Variants in TAS2R1 observed in about 807,000 individuals in gnomAD.
TAS2R1 encodes taste receptor type 2 member 1.
For missense variants in TAS2R1, 370 were observed against 353.4 expected (o/e 1.05, Z -0.38); for synonymous variants, 141 against 134.2 (o/e 1.05, Z -0.35).
the TAS2R1 span, among the ~76,000 whole-genome samples, chr5:9,840,474 C>T: frequency 0.011 from 1,675 of 152,260 alleles, 21 homozygotes; most frequent in Non-Finnish European, 0.018. Flanking sequence ...AGGGCATGCA[C>T]TCTTCTTGAC....
At chr5:9,833,976 C>T in the TAS2R1 span, among the ~76,000 whole-genome samples, 1 of 152,202 alleles carries the variant, frequency 6.6e-6, no homozygotes, top group African/African-American at 2.4e-5. Flanking sequence ...GAACAGCTGA[C>T]ATTGTAAGCA....
chr5:9,633,266 A>AGTGTGT (rs141170591), upstream of TAS2R1, among the ~76,000 whole-genome samples: 5 of 121,872 alleles, frequency 4.1e-5, no homozygotes, highest in African/African-American at 1.1e-4. Context: ...AGTATTCCAT[A>AGTGTGT]GTGTGTGTGT....
chr5:9,866,449 G>A, the TAS2R1 span, among the ~76,000 whole-genome samples: 1 of 152,134 alleles, frequency 6.6e-6, no homozygotes, highest in Non-Finnish European at 1.5e-5. Context: ...ATTGTCAAAT[G>A]TTGTATAAAA....
chr5:9,683,204 A>G (rs969281849), intron 1 of TAS2R1, among the ~76,000 whole-genome samples: 3 of 152,044 alleles, frequency 2.0e-5, no homozygotes, highest in Non-Finnish European at 4.4e-5. Context: ...AATATTATGT[A>G]TTATAATTGC....
At chr5:9,675,223 A>C (rs1561375739) in intron 1 of TAS2R1, among the ~76,000 whole-genome samples, 1 of 150,968 alleles carries the variant, frequency 6.6e-6, no homozygotes, top group Non-Finnish European at 1.5e-5. Flanking sequence ...AGATTGGAAG[A>C]ATCAATGTTA....
the TAS2R1 span, among the ~76,000 whole-genome samples, chr5:9,792,905 C>T: frequency 2.0e-5 from 3 of 152,114 alleles, no homozygotes; most frequent in South Asian, 2.1e-4. Flanking sequence ...TATCCCAAAT[C>T]CAAGCATATT....
At chr5:9,716,553 A>G (rs1433871550), upstream of TAS2R1, among the ~76,000 whole-genome samples, 2 of 151,878 alleles carry the variant, frequency 1.3e-5, no homozygotes, top group Non-Finnish European at 2.9e-5. Context: ...TATTATATAT[A>G]TATATATATA....
upstream of TAS2R1, among the ~76,000 whole-genome samples, chr5:9,631,160 ATAAAG>A (rs1174474483): frequency 6.6e-6 from 1 of 152,242 alleles, no homozygotes; most frequent in Non-Finnish European, 1.5e-5. Flanking sequence ...ACAAAGGTAG[ATAAAG>A]TATAGTTTGT....
chr5:9,663,113 A>G (rs1740569735), intron 1 of TAS2R1, among the ~76,000 whole-genome samples: 1 of 152,196 alleles, frequency 6.6e-6, no homozygotes, highest in Non-Finnish European at 1.5e-5. Context: ...TATACTATAA[A>G]GCATTATTAT....
chr5:9,692,157 G>C (rs1011132452), intron 1 of TAS2R1, among the ~76,000 whole-genome samples: 2 of 152,126 alleles, frequency 1.3e-5, no homozygotes, highest in South Asian at 2.1e-4. Flanking sequence ...CCCTTGGTTC[G>C]TGTGAAAGGA....
At chr5:9,834,426 T>C in the TAS2R1 span, among the ~76,000 whole-genome samples, 1 of 152,190 alleles carries the variant, frequency 6.6e-6, no homozygotes, top group Non-Finnish European at 1.5e-5. Flanking sequence ...TTTTAATCTT[T>C]TGTGTGGATG....
chr5:9,747,327 G>A, the TAS2R1 span, among the ~76,000 whole-genome samples: 2 of 152,124 alleles, frequency 1.3e-5, no homozygotes, highest in Non-Finnish European at 1.5e-5. Context: ...GAACACATGA[G>A]TGGGGTAATT....
At chr5:9,898,796 C>A in the TAS2R1 span, among the ~76,000 whole-genome samples, 4 of 152,172 alleles carry the variant, frequency 2.6e-5, no homozygotes, top group Admixed American at 1.3e-4. Flanking sequence ...GCACCCCTGT[C>A]CACAGACAGG....
chr5:9,765,023 T>C, the TAS2R1 span, among the ~76,000 whole-genome samples: 1 of 152,158 alleles, frequency 6.6e-6, no homozygotes, highest in Non-Finnish European at 1.5e-5. Context: ...ATATAAAATG[T>C]ATTTATAGTA....
the TAS2R1 span, among the ~76,000 whole-genome samples, chr5:9,727,062 T>C: frequency 2.6e-5 from 4 of 152,226 alleles, no homozygotes; most frequent in Non-Finnish European, 5.9e-5. Flanking sequence ...CAAGTAGTCA[T>C]TTGAAATTCC....
At chr5:9,803,606 C>A in the TAS2R1 span, among the ~76,000 whole-genome samples, 1 of 152,118 alleles carries the variant, frequency 6.6e-6, no homozygotes, top group Non-Finnish European at 1.5e-5. Flanking sequence ...TCAAACAAAG[C>A]AAATATCAGC....
At chr5:9,831,138 A>G in the TAS2R1 span, among the ~76,000 whole-genome samples, 2 of 152,176 alleles carry the variant, frequency 1.3e-5, no homozygotes, top group African/African-American at 4.8e-5. Flanking sequence ...TAACTTCTGG[A>G]GAGTATGCTG....
the TAS2R1 span, among the ~76,000 whole-genome samples, chr5:9,868,235 T>C: frequency 2.0e-5 from 3 of 152,230 alleles, no homozygotes; most frequent in Non-Finnish European, 4.4e-5. Context: ...AACCCCACAT[T>C]TCCCTTCCAC....
rs542168474 is a variant in TAS2R1 at position 9,710,103 on chromosome 5, C to A, written c.-242+2069G>T. ...CATCTTGCCAACCAGGTCCACATTT[C>A]CACAGAACACCCAAGGCCTTGGCCA... is the stretch of plus-strand genomic sequence containing the variant. On this transcript the variant is annotated intron_variant, in intron 1 of 2. Coordinates refer to the TAS2R1 transcript ENST00000506620. Among the ~76,000 whole-genome samples, 91 of 152,378 alleles carry A rather than the reference C, an allele frequency of 6.0e-4. No individual in the cohort carries two copies. In the South Asian group the frequency reaches 0.012, roughly 20 times the overall value.
Sources: allele counts gnomAD v4.1 joint callset (sites outside exome capture counted in the v4.1 genomes callset), GRCh38; gene constraint gnomAD v4.1.1; transcripts MANE v1.5; gene names NCBI Gene and HGNC (gene_info 2026-07-23, HGNC 2026-07-21).